ASIC2: variants seen among roughly 807,000 people sequenced by gnomAD.
ASIC2 encodes acid sensing ion channel subunit 2.
Under a neutral mutation model 57.3 loss-of-function variants are expected in ASIC2, and 25 were observed. The ratio of observed to expected loss-of-function variants is 0.44; its 90% confidence interval spans 0.32 to 0.61. The LOEUF (loss-of-function observed/expected upper bound fraction) is 0.61, where lower values mean the gene tolerates loss of function less well. Among genes scored for constraint, ASIC2 ranks in the 20% least tolerant of loss-of-function variants. ASIC2 has a pLI of 0.06. For missense variants in ASIC2, 641 were observed against 738.1 expected, an observed-to-expected ratio of 0.87 and a Z score of 1.52; for synonymous variants, 319 against 307.5, an observed-to-expected ratio of 1.04 and a Z score of -0.39.
At chr17:33,810,825 G>T (rs760601704) in intron 1 of ASIC2, among the ~76,000 whole-genome samples, 1 of 152,038 alleles carries the variant, frequency 6.6e-6, no homozygotes, top group Non-Finnish European at 1.5e-5. Flanking sequence ...ACCCTTAATA[G>T]GTCCCATTCT....
intron 1 of ASIC2, among the ~76,000 whole-genome samples, chr17:34,137,125 C>A (rs1482896663): frequency 6.6e-6 from 1 of 152,240 alleles, no homozygotes; most frequent in Non-Finnish European, 1.5e-5. Context: ...ATAGATAATT[C>A]TTTCATGACA....
chr17:33,790,965 T>A (rs978550728), intron 1 of ASIC2, among the ~76,000 whole-genome samples: 3 of 152,174 alleles, frequency 2.0e-5, no homozygotes, highest in Admixed American at 6.5e-5. Flanking sequence ...ACAGAGAGGC[T>A]GAGCAAGTGA....
intron 3 of ASIC2, among the ~76,000 whole-genome samples, chr17:33,069,124 T>G (rs1266956727): frequency 6.6e-6 from 1 of 152,260 alleles, no homozygotes; most frequent in East Asian, 1.9e-4. Flanking sequence ...GTTATTTTGC[T>G]TCTGAATATT....
intron 1 of ASIC2, among the ~76,000 whole-genome samples, chr17:33,130,444 T>G (rs754774086): frequency 7.2e-5 from 11 of 152,198 alleles, no homozygotes; most frequent in Non-Finnish European, 1.5e-4. Context: ...TTAAATATTT[T>G]TCATACCAAA....
intron 1 of ASIC2, among the ~76,000 whole-genome samples, chr17:33,375,832 G>A (rs576973567): frequency 6.6e-6 from 1 of 152,340 alleles, no homozygotes; most frequent in African/African-American, 2.4e-5. Flanking sequence ...GTTGTCCTGA[G>A]TAACTGAAAG....
chr17:34,027,847 G>C (rs1907435982), intron 1 of ASIC2, among the ~76,000 whole-genome samples: 6 of 152,134 alleles, frequency 3.9e-5, no homozygotes, highest in Admixed American at 3.9e-4. Flanking sequence ...TTCCTAGCAG[G>C]CTCACAGTAG....
intron 1 of ASIC2, among the ~76,000 whole-genome samples, chr17:33,746,589 A>G (rs891663848): frequency 2.0e-5 from 3 of 151,840 alleles, no homozygotes; most frequent in African/African-American, 7.3e-5. Flanking sequence ...GCAAAATCTG[A>G]CCACATTGAA....
At chr17:34,066,717 C>T (rs947312466) in intron 1 of ASIC2, among the ~76,000 whole-genome samples, 1 of 152,176 alleles carries the variant, frequency 6.6e-6, no homozygotes, top group African/African-American at 2.4e-5. Flanking sequence ...GACCTCTCCG[C>T]TCATTGTATC....
rs116386675 is a variant in ASIC2, at chr17:33,069,169, T to C, written c.987+19694A>G. Among the ~76,000 whole-genome samples, 467 of 152,366 alleles carry C rather than the reference T, an allele frequency of 3.1e-3. 3 individuals are homozygous for C. The highest frequency in any genetic ancestry group is 0.01 in the African/African-American group (436 of 41,584). On this transcript the variant is annotated intron_variant, in intron 3 of 9. Coordinates refer to ENST00000225823, the MANE Select transcript of ASIC2 (RefSeq NM_183377.2). ...TCCAGCTATCTTTCTGTTATTGTTT[T>C]AACTTAATTTCATTATGATCACAGG...
At chr17:34,120,905 A>AT (rs34044120) in intron 1 of ASIC2, among the ~76,000 whole-genome samples, 5,023 of 151,052 alleles carry the variant, frequency 0.033, 315 homozygotes, top group African/African-American at 0.12. Flanking sequence ...CGCCTGGCTA[A>AT]TTTTTTGTAT....
At chr17:33,081,889 C>T (rs2092114377) in intron 3 of ASIC2, among the ~76,000 whole-genome samples, 1 of 152,142 alleles carries the variant, frequency 6.6e-6, no homozygotes, top group Admixed American at 6.5e-5. Context: ...CTGGTCCTGC[C>T]AAAGACCTAA....
intron 1 of ASIC2, among the ~76,000 whole-genome samples, chr17:33,393,042 C>T (rs115616912): frequency 1.3e-5 from 2 of 152,188 alleles, no homozygotes; most frequent in Non-Finnish European, 2.9e-5. Context: ...TCTCCTACCT[C>T]TCATGCAGCC....
chr17:33,512,143 T>C (rs1914447712), intron 1 of ASIC2, among the ~76,000 whole-genome samples: 1 of 152,208 alleles, frequency 6.6e-6, no homozygotes, highest in Non-Finnish European at 1.5e-5. Context: ...CTTCAAACAG[T>C]CCTCCAAAGG....
chr17:34,149,776 T>G (rs1377582642), intron 1 of ASIC2, among the ~76,000 whole-genome samples: 1 of 152,242 alleles, frequency 6.6e-6, no homozygotes, highest in Non-Finnish European at 1.5e-5. Flanking sequence ...TGAGCCCTTG[T>G]ACACTGTGGG....
intron 1 of ASIC2, among the ~76,000 whole-genome samples, chr17:33,859,505 T>A (rs928337349): frequency 6.6e-6 from 1 of 152,126 alleles, no homozygotes; most frequent in African/African-American, 2.4e-5. Flanking sequence ...TTGTCCAGTA[T>A]CACACTGGGA....
At chr17:33,174,690 A>G (rs1394482567) in intron 1 of ASIC2, among the ~76,000 whole-genome samples, 2 of 152,280 alleles carry the variant, frequency 1.3e-5, no homozygotes, top group East Asian at 3.9e-4. Context: ...TGCCCAATGA[A>G]AGGAAGAGGC....
At chr17:34,025,038 T>G (rs992202134) in intron 1 of ASIC2, among the ~76,000 whole-genome samples, 1 of 152,214 alleles carries the variant, frequency 6.6e-6, no homozygotes, top group Non-Finnish European at 1.5e-5. Flanking sequence ...GACAGCACTT[T>G]GTTGTCACTA....
chr17:33,101,995 C>A (rs2092213817), intron 2 of ASIC2, among the ~76,000 whole-genome samples: 1 of 152,270 alleles, frequency 6.6e-6, no homozygotes, highest in East Asian at 1.9e-4. Flanking sequence ...CCCACAAGGG[C>A]CATCCCTTGT....
intron 1 of ASIC2, among the ~76,000 whole-genome samples, chr17:34,078,093 T>A (rs1909739263): frequency 6.6e-6 from 1 of 152,186 alleles, no homozygotes; most frequent in Non-Finnish European, 1.5e-5. Context: ...AGTGTTCAGC[T>A]ACACTGGCCA....
Sources: gnomAD v4.1 joint callset for allele counts (sites outside exome capture counted in the v4.1 genomes callset) on GRCh38, gnomAD v4.1.1 for gene constraint, MANE v1.5 for transcripts, NCBI Gene and HGNC (gene_info 2026-07-23, HGNC 2026-07-21) for gene names.